CDC40: variants seen among roughly 807,000 people sequenced by gnomAD.
CDC40 encodes the protein cell division cycle 40.
In CDC40, 27 loss-of-function variants were observed where a neutral mutation model predicts 80.6. That is an observed-to-expected ratio of 0.33 (90% CI 0.25 to 0.46). CDC40 has a LOEUF of 0.46. CDC40 is among the 20% of genes least tolerant of loss of function. The pLI, the probability that CDC40 is intolerant of heterozygous loss-of-function variation, is 1.00. For synonymous variants in CDC40, 221 were observed against 232.6 expected, an observed-to-expected ratio of 0.95 and a Z score of 0.45; for missense variants, 486 against 694.1, an observed-to-expected ratio of 0.70 and a Z score of 3.37.
intron 12 of CDC40, among the ~76,000 whole-genome samples, chr6:110,224,034 T>C (rs1392782305): frequency 6.6e-6 from 1 of 152,104 alleles, no homozygotes; most frequent in East Asian, 1.9e-4. Context: ...GGTTTCACCA[T>C]GTTGGCCAGG....
chr6:110,221,471 A>G (rs1468845691), intron 12 of CDC40, among the ~76,000 whole-genome samples: 2 of 152,146 alleles, frequency 1.3e-5, no homozygotes, highest in African/African-American at 4.8e-5. Context: ...GATTATCCCC[A>G]ATTAGTAGAG....
intron 13 of CDC40, 121 bp downstream of exon 13, chr6:110,226,364 A>T: frequency 1.8e-6 from 1 of 560,362 alleles, no homozygotes; most frequent in Non-Finnish European, 3.1e-6. Context: ...CATTATTTGT[A>T]TAAGGTAATC....
intron 12 of CDC40, 88 bp from the exon 13 acceptor site, chr6:110,226,078 TA>T: frequency 1.4e-6 from 1 of 710,120 alleles, no homozygotes; most frequent in East Asian, 2.6e-5. Context: ...AGTTTGCTTT[TA>T]TTTGCATATT....
At chr6:110,226,040 A>T (rs1165682833) in intron 12 of CDC40, 127 bp from the exon 13 acceptor site, 1 of 607,448 alleles carries the variant, frequency 1.6e-6, no homozygotes, top group African/African-American at 1.9e-5. Context: ...AAGTTTCATG[A>T]AAGATTTATT....
At position 110,185,659 on chromosome 6, in the gene CDC40, C is replaced by T. The variant is rs1777259561; in HGVS notation, c.189+5026C>T. ...AAATTAGTCTCAACAGATTTAAAAT[C>T]TTGTTACTGTATTCTCTGACCACAG... On this transcript the variant is annotated intron_variant, in intron 1 of 14. Transcript: ENST00000307731. 2.6e-5 allele frequency among the ~76,000 whole-genome samples: 4 copies of T among 152,280 alleles called. No individual in the cohort carries two copies. In the South Asian group the frequency reaches 8.3e-4, roughly 32 times the overall value.
At chr6:110,217,128 G>T (rs945748065) in intron 9 of CDC40, among the ~76,000 whole-genome samples, 15 of 152,080 alleles carry the variant, frequency 9.9e-5, no homozygotes, top group African/African-American at 3.6e-4. Context: ...AAAAAACCAT[G>T]CAAGCTAATA....
In CDC40 at chr6:110,180,538, C is replaced by A. The variant is rs1440956656; in HGVS notation, c.94C>A (p.Pro32Thr). 1 of 1,614,114 alleles carries A rather than the reference C, an allele frequency of 6.2e-7. No individual in the cohort carries two copies. The highest frequency in any genetic ancestry group is 8.5e-7 in the Non-Finnish European group (1 of 1,179,966). The change falls in exon 1 of 15, where the codon CCA becomes ACA. Residue 32 changes from proline to threonine, a missense_variant. Pro to Thr is a conservative substitution (Grantham distance 38). This residue lies in a region of CDC40 where 381 missense variants were observed against 492.1 expected (regional missense o/e 0.77). Coordinates refer to ENST00000307731, the MANE Select transcript of CDC40 (RefSeq NM_015891.3). ...CAGTGAGAGCAGTCGGTGTCCGCTG[C>A]CAGCCGCCGACTCCCTCATGCACTT... ...SDSESSRCPL[P>T]AADSLMHLTK...
At chr6:110,205,774 A>G (rs1777554092) in intron 3 of CDC40, among the ~76,000 whole-genome samples, 1 of 152,130 alleles carries the variant, frequency 6.6e-6, no homozygotes, top group Non-Finnish European at 1.5e-5. Flanking sequence ...GTTTTTTATT[A>G]TTGAAATGGA....
rs1214050838 is a variant in CDC40 at position 110,199,173 on chromosome 6, AG to A, written c.277-2384del. ...TAAATTTTTAGATTGCTTTATGTGT[AG>A]TAGGCATATGTGAAGTTTTAGATTG... is the stretch of plus-strand genomic sequence containing the variant. On this transcript the variant is annotated intron_variant, in intron 2 of 14. Transcript: ENST00000307731. The A allele has an allele frequency of 1.1e-4, 17 of 152,230 alleles. 1 individual carries two copies. Among genetic ancestry groups the A allele is most frequent in the African/African-American group, 3.4e-4 (14 of 41,464 alleles). The allele number at this position is 152,230 out of a possible 1,614,324, so 9.4% of individuals were successfully genotyped here. A position where few individuals can be genotyped will look rare whatever the true frequency, so the allele number is the denominator to read the frequency against.
At chr6:110,215,415 G>A (rs770679629) in intron 9 of CDC40, 84 bp downstream of exon 9, 48 of 1,051,346 alleles carry the variant, frequency 4.6e-5, no homozygotes, top group Admixed American at 1.0e-4. Flanking sequence ...TTACTACACC[G>A]ATAGGAAGTA....
chr6:110,210,724 G>A lies in CDC40; in HGVS notation c.648G>A (p.Leu216=), dbSNP rs1295628047. 4 of 1,564,864 alleles carry A rather than the reference G, an allele frequency of 2.6e-6. No individual in the cohort carries two copies. Among genetic ancestry groups the A allele is most frequent in the African/African-American group, 1.4e-5 (1 of 72,002 alleles). Reference sequence around the variant, plus strand: ...TTTCTTAGGAAGAGCAAAAAGAATTGGATGAAATCACAGCAAAGAGGCAGA... The same window carrying A: ...TTTCTTAGGAAGAGCAAAAAGAATTAGATGAAATCACAGCAAAGAGGCAGA... ...AKPSEEEQKE[L]DEITAKRQKK... is the part of the protein sequence containing the mutation. Residue 216 remains leucine (L), a synonymous_variant, in exon 6 of 15, where the codon TTG becomes TTA. Transcript: ENST00000307731.
rs1281844266 is a variant in CDC40, at chr6:110,230,082, C to T, written c.1691C>T (p.Ser564Phe). Residue 564 changes from serine to phenylalanine, a missense_variant, in exon 15 of 15, where the codon TCT becomes TTT. By Grantham distance (155) the Ser-to-Phe change is radical (BLOSUM62 -2). Coordinates refer to ENST00000307731, the MANE Select transcript of CDC40 (RefSeq NM_015891.3). ...IGAVWHPHETSKVITCGWDGL... is the reference protein window; with the variant it reads ...IGAVWHPHETFKVITCGWDGL... ...GCAGTGTGGCATCCTCATGAAACTT[C>T]TAAGGTCATAACATGTGGTTGGGAT... 1 of 1,612,524 alleles carries T rather than the reference C, an allele frequency of 6.2e-7. No individual in the cohort carries two copies. Among genetic ancestry groups the T allele is most frequent in the Non-Finnish European group, 8.5e-7 (1 of 1,178,892 alleles).
At chr6:110,202,772 T>C (rs1186915464) in intron 3 of CDC40, among the ~76,000 whole-genome samples, 3 of 152,146 alleles carry the variant, frequency 2.0e-5, no homozygotes, top group Non-Finnish European at 2.9e-5. Flanking sequence ...GTTGAACTAT[T>C]GAGTTAAAGA....
At chr6:110,216,383 G>A (rs1051742839) in intron 9 of CDC40, among the ~76,000 whole-genome samples, 1 of 152,120 alleles carries the variant, frequency 6.6e-6, no homozygotes, top group African/African-American at 2.4e-5. Flanking sequence ...TGATTTTAAG[G>A]CCTCCCTGCA....
In CDC40 at chr6:110,201,743, G is replaced by T. The variant is rs190254255; in HGVS notation, c.406+56G>T. On this transcript the variant is annotated intron_variant, in intron 3 of 14. Transcript: ENST00000307731. Reference sequence around the variant, plus strand: ...TTTGGCTTTATTAGAAGTGTGATCTGTGTGTGTTAGTCTGTTTTATCTTCT... The same window carrying T: ...TTTGGCTTTATTAGAAGTGTGATCTTTGTGTGTTAGTCTGTTTTATCTTCT... 2.0e-4 allele frequency: 287 copies of T among 1,459,320 alleles called. 1 individual carries two copies. In the African/African-American group the frequency reaches 3.8e-3, roughly 19 times the overall value. 90.4% of individuals were successfully genotyped at this position (1,459,320 alleles called of 1,614,324 possible). A position where few individuals can be genotyped will look rare whatever the true frequency, so the allele number is the denominator to read the frequency against.
chr6:110,188,950 C>T (rs147775982), intron 1 of CDC40, among the ~76,000 whole-genome samples: 8 of 152,310 alleles, frequency 5.3e-5, no homozygotes, highest in Non-Finnish European at 1.2e-4. Flanking sequence ...CTCCACACTT[C>T]CTGGTAATTC....
chr6:110,207,736 A>G lies in CDC40; in HGVS notation c.490+147A>G, dbSNP rs1230838411. On this transcript the variant is annotated intron_variant, in intron 4 of 14. Transcript: ENST00000307731. The stretch of plus-strand genomic sequence containing the variant: ...CAATGGAGCGATACAGTTTAGAGCA[A>G]TATAGTTCAGAAATGTTACAGTTTA... 6 of 529,070 alleles carry G rather than the reference A, an allele frequency of 1.1e-5. No individual in the cohort carries two copies. In the Admixed American group the frequency reaches 2.0e-4, roughly 18 times the overall value. The allele number at this position is 529,070 out of a possible 1,614,324, so 32.8% of individuals were successfully genotyped here. A position where few individuals can be genotyped will look rare whatever the true frequency, so the allele number is the denominator to read the frequency against.
rs1487716320 is a variant in CDC40, at chr6:110,230,237, T to C, written c.*106T>C. The C allele has an allele frequency of 4.4e-6, 3 of 686,262 alleles. No homozygotes were observed. The African/African-American group carries it at 5.6e-5, about 13-fold the overall frequency. The allele number at this position is 686,262 out of a possible 1,614,324, so 42.5% of individuals were successfully genotyped here. ...TAACTTGATTTACAGATAATGTTGA[T>C]GACATTGACCCTTTGTTTAAAAAAA... On this transcript the variant is annotated 3_prime_UTR_variant, in exon 15 of 15. Transcript: ENST00000307731.
intron 3 of CDC40, among the ~76,000 whole-genome samples, chr6:110,205,479 T>G (rs890233501): frequency 1.3e-5 from 2 of 152,236 alleles, no homozygotes; most frequent in African/African-American, 2.4e-5. Flanking sequence ...AAAATAATAC[T>G]GTTTTCTAAT....
Sources: gnomAD v4.1 joint callset for allele counts (sites outside exome capture counted in the v4.1 genomes callset) on GRCh38, gnomAD v4.1.1 for gene constraint, gnomAD v4.1.1 regional missense constraint, MANE v1.5 for transcripts, NCBI Gene and HGNC (gene_info 2026-07-23, HGNC 2026-07-21) for gene names.